The following HIVEP3 variants were observed in gnomAD, a reference collection of about 807,000 sequenced individuals.
HIVEP3 encodes HIVEP zinc finger 3.
HIVEP3 carries 49 observed loss-of-function variants against 152.8 expected under a neutral mutation model. The observed-to-expected ratio is 0.32, with a 90% confidence interval of 0.26 to 0.41. HIVEP3 has a LOEUF of 0.41. Among genes scored for constraint, HIVEP3 ranks in the 10% least tolerant of loss-of-function variants. HIVEP3 has a pLI of 1.00. For missense variants in HIVEP3, 2,790 were observed against 3,103.3 expected (o/e 0.90, Z 2.40); for synonymous variants, 1,269 against 1,289.0 (o/e 0.98, Z 0.33).
intron 3 of HIVEP3, among the ~76,000 whole-genome samples, chr1:41,599,859 T>G (rs2149123311): frequency 6.6e-6 from 1 of 151,902 alleles, no homozygotes; most frequent in South Asian, 2.1e-4. Flanking sequence ...ACTCCAAAAC[T>G]CAACAACAAA....
intron 5 of HIVEP3, among the ~76,000 whole-genome samples, chr1:41,571,888 GT>G (rs1480495064): frequency 6.6e-6 from 1 of 152,218 alleles, no homozygotes; most frequent in East Asian, 1.9e-4. Context: ...GCAGAATCAT[GT>G]TTAGTGATGC....
chr1:42,012,954 T>C (rs74421250), intron 1 of HIVEP3, among the ~76,000 whole-genome samples: 342 of 152,334 alleles, frequency 2.2e-3, no homozygotes, highest in African/African-American at 7.8e-3. Flanking sequence ...TTCCAATCTG[T>C]TGTTCATGGC....
intron 1 of HIVEP3, among the ~76,000 whole-genome samples, chr1:41,801,904 T>G (rs1650330438): frequency 6.6e-6 from 1 of 152,140 alleles, no homozygotes; most frequent in African/African-American, 2.4e-5. Flanking sequence ...ATGAGGGAAT[T>G]GCAGGATCTG....
Position 41,533,807 on chromosome 1 carries a change from C to T in HIVEP3, c.5208-8897G>A, listed in dbSNP as rs1218686040. Among the ~76,000 whole-genome samples the T allele has an allele frequency of 2.0e-5, 3 of 152,020 alleles. No individual in the cohort carries two copies. Among genetic ancestry groups the T allele is most frequent in the African/African-American group, 7.3e-5 (3 of 41,358 alleles). ...TGATGGCCCCCAGCCACTTCTCTCTCGAGTTCCGATGCCTTTGCTATACAT... is the reference window on the plus strand; with the variant it reads ...TGATGGCCCCCAGCCACTTCTCTCTTGAGTTCCGATGCCTTTGCTATACAT... On this transcript the variant is annotated intron_variant, in intron 5 of 8. Coordinates refer to ENST00000372583, the MANE Select transcript of HIVEP3 (RefSeq NM_024503.5). This position sits in a 1 kb window ranked among gnomAD's most constrained non-coding sequence, Gnocchi z 4.3.
chr1:41,749,404 T>TTGTGTGTGTGTGTGTGTGTGTGTGTG lies in HIVEP3; in HGVS notation c.-800-48435_-800-48410dup, dbSNP rs3064239. Among the ~76,000 whole-genome samples, 492 of 140,754 alleles carry TTGTGTGTGTGTGTGTGTGTGTGTGTG rather than the reference T, an allele frequency of 3.5e-3. 5 individuals are homozygous for TTGTGTGTGTGTGTGTGTGTGTGTGTG. Among genetic ancestry groups the TTGTGTGTGTGTGTGTGTGTGTGTGTG allele is most frequent in the Middle Eastern group, 7.2e-3 (2 of 276 alleles). The allele number at this position is 140,754 out of a possible 152,430, so 92.3% of individuals were successfully genotyped here. ...GGACTCTCTGAAACCTTAGAAAAAA[T>TTGTGTGTGTGTGTGTGTGTGTGTGTG]TGTGTGTGTGTGTGTGTGTGTGTGT... On this transcript the variant is annotated intron_variant, in intron 1 of 8. Coordinates refer to ENST00000372583, the MANE Select transcript of HIVEP3 (RefSeq NM_024503.5).
chr1:41,744,721 C>T (rs568371610), intron 1 of HIVEP3, among the ~76,000 whole-genome samples: 27 of 152,208 alleles, frequency 1.8e-4, no homozygotes, highest in Non-Finnish European at 2.5e-4. Flanking sequence ...GAAGACAGTT[C>T]ACCTTCTCAT....
chr1:41,983,941 GAAC>G (rs1356397964), intron 1 of HIVEP3, among the ~76,000 whole-genome samples: 1 of 152,080 alleles, frequency 6.6e-6, no homozygotes, highest in Non-Finnish European at 1.5e-5. Context: ...TAAAGAAGTA[GAAC>G]AATGAAGAAA....
At chr1:41,790,991 T>C (rs1570546743) in intron 1 of HIVEP3, among the ~76,000 whole-genome samples, 1 of 152,244 alleles carries the variant, frequency 6.6e-6, no homozygotes, top group East Asian at 1.9e-4. Context: ...CAATTCACCC[T>C]TTCCTGTGGA....
Position 41,513,241 on chromosome 1 carries a change from G to C in HIVEP3, c.5980C>G (p.Pro1994Ala). 1 of 1,613,702 alleles carries C rather than the reference G, an allele frequency of 6.2e-7. No individual in the cohort carries two copies. The highest frequency in any genetic ancestry group is 2.2e-5 in the East Asian group (1 of 44,868). ...TCTCGGGCCGGGGAGCATCGCTGGG[G>C]AGATGAGTCGTTTTTGGTTAGCGAG... ...KHSLTKNDSS[P>A]QRCSPAREPQ... Residue 1994 changes from proline to alanine, a missense_variant, in exon 8 of 9, where the codon CCC (proline) becomes GCC (alanine). Pro to Ala is a conservative substitution (Grantham distance 27). This residue lies in a region of HIVEP3 where 816 missense variants were observed against 806.5 expected (regional missense o/e 1.01). Coordinates refer to ENST00000372583, the MANE Select transcript of HIVEP3 (RefSeq NM_024503.5).
chr1:41,518,823 T>G (rs1052266100), intron 6 of HIVEP3, among the ~76,000 whole-genome samples: 2 of 151,586 alleles, frequency 1.3e-5, no homozygotes, highest in East Asian at 1.9e-4. Context: ...ATAGGTTTTT[T>G]TTTTTTTTTT....
intron 4 of HIVEP3, among the ~76,000 whole-genome samples, chr1:41,577,200 T>G (rs984276659): frequency 6.6e-6 from 1 of 152,238 alleles, no homozygotes; most frequent in Non-Finnish European, 1.5e-5. Context: ...TAGCTTTTGA[T>G]GACAACAATA....
Position 41,508,911 on chromosome 1 carries a change from A to C in HIVEP3, c.*1540T>G, listed in dbSNP as rs1200923846. ...CCCTGTGCTGCCCTCCCTTGTAGAA[A>C]GTAAAGAAAATCAGTTCTGAAACAC... On this transcript the variant is annotated 3_prime_UTR_variant, in exon 9 of 9. Transcript: ENST00000372583. 6.6e-6 allele frequency: 1 copy of C among 152,304 alleles called. No individual in the cohort carries two copies. The highest frequency in any genetic ancestry group is 1.5e-5 in the Non-Finnish European group (1 of 68,080). The allele number at this position is 152,304 out of a possible 1,614,324, so 9.4% of individuals were successfully genotyped here.
At chr1:41,735,968 T>A (rs1487736925) in intron 1 of HIVEP3, among the ~76,000 whole-genome samples, 3 of 152,014 alleles carry the variant, frequency 2.0e-5, no homozygotes, top group African/African-American at 7.2e-5. Context: ...GCCCAAGAGT[T>A]AGCCCCACCA....
intron 3 of HIVEP3, among the ~76,000 whole-genome samples, chr1:41,619,037 C>T (rs1280564889): frequency 1.3e-5 from 2 of 152,080 alleles, no homozygotes; most frequent in African/African-American, 4.8e-5. Context: ...GCAGCCTCCA[C>T]AGCCTCCTTC....
At chr1:41,832,619 C>T (rs1041233066) in intron 1 of HIVEP3, among the ~76,000 whole-genome samples, 1 of 152,314 alleles carries the variant, frequency 6.6e-6, no homozygotes, top group East Asian at 1.9e-4. Context: ...CTTATCCACT[C>T]GTCTTTTTCC....
intron 1 of HIVEP3, among the ~76,000 whole-genome samples, chr1:41,782,046 C>T (rs574526478): frequency 6.6e-6 from 1 of 152,324 alleles, no homozygotes; most frequent in Non-Finnish European, 1.5e-5. Context: ...AAGAACAACC[C>T]AGGCGTCCAA....
At chr1:41,526,699 GCA>G (rs1305294546) in intron 5 of HIVEP3, among the ~76,000 whole-genome samples, 2 of 20,992 alleles carry the variant, frequency 9.5e-5, no homozygotes, top group East Asian at 9.4e-4. Context: ...TCACCCTCAC[GCA>G]CACTCACCCT....
intron 5 of HIVEP3, among the ~76,000 whole-genome samples, chr1:41,567,843 T>G (rs1052356672): frequency 6.6e-6 from 1 of 152,232 alleles, no homozygotes; most frequent in Non-Finnish European, 1.5e-5. Flanking sequence ...GCCATCTGAC[T>G]TCACCTTCCC....
chr1:41,838,317 T>C (rs1643187118), intron 1 of HIVEP3, among the ~76,000 whole-genome samples: 1 of 152,138 alleles, frequency 6.6e-6, no homozygotes, highest in Admixed American at 6.5e-5. Context: ...GGATCCCTCA[T>C]ACTGTGCTTT....
Sources: allele counts gnomAD v4.1 joint callset (sites outside exome capture counted in the v4.1 genomes callset), GRCh38; gene constraint gnomAD v4.1.1; regional missense constraint gnomAD v4.1.1; non-coding constraint Gnocchi (gnomAD v3.1); transcripts MANE v1.5; gene names NCBI Gene and HGNC (gene_info 2026-07-23, HGNC 2026-07-21).